Variants in GAB2 observed in about 807,000 individuals in gnomAD.
GAB2 encodes the protein GRB2 associated binding protein 2, also known as GRB2-associated-binding protein 2.
Under a neutral mutation model 65.5 loss-of-function variants are expected in GAB2, and 26 were observed. That is an observed-to-expected ratio of 0.40 (90% CI 0.29 to 0.55). The LOEUF is 0.55. GAB2 is among the 20% of genes least tolerant of loss of function. GAB2 has a pLI of 0.53. For synonymous variants in GAB2, 321 were observed against 329.6 expected (o/e 0.97, Z 0.28); for missense variants, 884 against 875.8 (o/e 1.01, Z -0.12).
At chr11:78,383,794 G>A (rs1354576902) in intron 1 of GAB2, among the ~76,000 whole-genome samples, 2 of 152,048 alleles carry the variant, frequency 1.3e-5, no homozygotes, top group Non-Finnish European at 1.5e-5. Flanking sequence ...CTCGTCCCAG[G>A]AGTAGTGAGT....
chr11:78,238,255 G>A (rs1452837014), intron 3 of GAB2, among the ~76,000 whole-genome samples: 3 of 150,318 alleles, frequency 2.0e-5, no homozygotes, highest in Non-Finnish European at 3.0e-5. Flanking sequence ...GATTTGAAGA[G>A]GCCAGGTGTG....
At chr11:78,327,244 T>C (rs1855839171) in intron 1 of GAB2, among the ~76,000 whole-genome samples, 1 of 152,192 alleles carries the variant, frequency 6.6e-6, no homozygotes, top group Non-Finnish European at 1.5e-5. Context: ...ATAAGAATGA[T>C]AAACAATCAT....
chr11:78,331,511 C>T (rs1219085472), intron 1 of GAB2, among the ~76,000 whole-genome samples: 2 of 152,172 alleles, frequency 1.3e-5, no homozygotes, highest in Non-Finnish European at 2.9e-5. Context: ...TCCCAAAGTG[C>T]TGGGATTACA....
chr11:78,247,582 G>A (rs1261121672), intron 3 of GAB2, among the ~76,000 whole-genome samples: 2 of 151,948 alleles, frequency 1.3e-5, no homozygotes, highest in East Asian at 1.9e-4. Context: ...GAATATTCTC[G>A]ACGATATATT....
At chr11:78,292,997 T>TCC (rs1866720820) in intron 1 of GAB2, among the ~76,000 whole-genome samples, 1 of 152,142 alleles carries the variant, frequency 6.6e-6, no homozygotes, top group African/African-American at 2.4e-5. Flanking sequence ...GAACTTGAGG[T>TCC]GAAGCTACTG....
At chr11:78,223,937 C>G (rs1413341760) in intron 5 of GAB2, among the ~76,000 whole-genome samples, 1 of 152,100 alleles carries the variant, frequency 6.6e-6, no homozygotes, top group Non-Finnish European at 1.5e-5. Context: ...AAAGTATTAG[C>G]TGGGCGTGGT....
At chr11:78,410,932 T>C (rs10431155) in intron 1 of GAB2, among the ~76,000 whole-genome samples, 26,998 of 151,876 alleles carry the variant, frequency 0.18, 2,945 homozygotes, top group East Asian at 0.44. Flanking sequence ...GAGGACTGCT[T>C]AAGCTCCGGA....
At chr11:78,356,000 C>T (rs1856353705) in intron 1 of GAB2, among the ~76,000 whole-genome samples, 1 of 151,652 alleles carries the variant, frequency 6.6e-6, no homozygotes, top group African/African-American at 2.4e-5. Flanking sequence ...TGGTGAAAGC[C>T]CGTCTCTAAT....
At chr11:78,257,023 T>C (rs115113205) in intron 2 of GAB2, among the ~76,000 whole-genome samples, 5,877 of 152,020 alleles carry the variant, frequency 0.039, 378 homozygotes, top group African/African-American at 0.13. Flanking sequence ...TTTTTTTTCT[T>C]CTTCCTGGCT....
At chr11:78,367,226 T>C (rs1277161012) in intron 1 of GAB2, among the ~76,000 whole-genome samples, 2 of 152,234 alleles carry the variant, frequency 1.3e-5, no homozygotes, top group East Asian at 3.9e-4. Flanking sequence ...TCCTTTAACC[T>C]ACTTTGTGCC....
intron 1 of GAB2, among the ~76,000 whole-genome samples, chr11:78,381,141 G>C (rs1295146685): frequency 6.6e-6 from 1 of 152,104 alleles, no homozygotes; most frequent in Non-Finnish European, 1.5e-5. Context: ...ATTATTCCTT[G>C]AAGATCACCT....
intron 1 of GAB2, among the ~76,000 whole-genome samples, chr11:78,373,265 G>A (rs1295101398): frequency 6.9e-6 from 1 of 145,016 alleles, no homozygotes; most frequent in African/African-American, 2.6e-5. Context: ...TTGAGATGGA[G>A]TTTCACTTTT....
At chr11:78,407,750 AAGAAAGAAAGAAAGAAAGAGAG>A (rs1354070400) in intron 1 of GAB2, among the ~76,000 whole-genome samples, 9 of 134,986 alleles carry the variant, frequency 6.7e-5, no homozygotes, top group Middle Eastern at 4.1e-3. Flanking sequence ...AAGAAAGAAA[AAGAAAGAAAGAAAGAAAGAGAG>A]AGAAAGAAAG....
At chr11:78,240,161 C>A (rs1373172653) in intron 3 of GAB2, among the ~76,000 whole-genome samples, 2 of 152,082 alleles carry the variant, frequency 1.3e-5, no homozygotes, top group East Asian at 3.9e-4. Flanking sequence ...TAAGCTGAAG[C>A]CAGTGGCTGC....
intron 1 of GAB2, among the ~76,000 whole-genome samples, chr11:78,327,161 G>A (rs567818008): frequency 6.6e-6 from 1 of 152,192 alleles, no homozygotes; most frequent in African/African-American, 2.4e-5. Context: ...TCAATAAATC[G>A]GTATCTGGGT....
At chr11:78,410,964 C>T (rs534659294) in intron 1 of GAB2, among the ~76,000 whole-genome samples, 15 of 151,654 alleles carry the variant, frequency 9.9e-5, no homozygotes, top group East Asian at 3.9e-4. Context: ...GCCTGGGCAA[C>T]GCAGGGAGAC....
chr11:78,271,039 G>A (rs1865996744), intron 2 of GAB2, among the ~76,000 whole-genome samples: 1 of 152,260 alleles, frequency 6.6e-6, no homozygotes, highest in Non-Finnish European at 1.5e-5. Flanking sequence ...GGAGGGATGG[G>A]ATAAAAGGAA....
chr11:78,379,489 C>T (rs1856671376), intron 1 of GAB2, among the ~76,000 whole-genome samples: 1 of 152,206 alleles, frequency 6.6e-6, no homozygotes, highest in Non-Finnish European at 1.5e-5. Context: ...AAAGGGTTTT[C>T]TCACACAGTT....
intron 1 of GAB2, among the ~76,000 whole-genome samples, chr11:78,309,318 T>C (rs1212042723): frequency 6.6e-6 from 1 of 152,166 alleles, no homozygotes; most frequent in Non-Finnish European, 1.5e-5. Flanking sequence ...TGTACAACCA[T>C]CACCACTATT....
Sources: gnomAD v4.1 joint callset for allele counts (sites outside exome capture counted in the v4.1 genomes callset) on GRCh38, gnomAD v4.1.1 for gene constraint, MANE v1.5 for transcripts, NCBI Gene and HGNC (gene_info 2026-07-23, HGNC 2026-07-21) for gene names.